TTC12: variants seen among roughly 807,000 people sequenced by gnomAD.
TTC12 encodes the protein tetratricopeptide repeat domain 12, also known as tetratricopeptide repeat protein 12.
In TTC12, 70 loss-of-function variants were observed where a neutral mutation model predicts 90.1. The ratio of observed to expected loss-of-function variants is 0.78; its 90% CI spans 0.64 to 0.95. TTC12 has a LOEUF of 0.95. Among genes scored for constraint, TTC12 ranks in the 40% least tolerant of loss-of-function variants. TTC12 has a pLI of 0.00. For missense variants in TTC12, 819 were observed against 846.1 expected (o/e 0.97, Z 0.40); for synonymous variants, 296 against 311.5 (o/e 0.95, Z 0.53).
chr11:113,360,052 T>C (rs371310739), intron 18 of TTC12, 44 bp downstream of exon 18: 9 of 1,010,600 alleles, frequency 8.9e-6, no homozygotes, highest in Non-Finnish European at 1.1e-5. Context: ...TCCATTGTTC[T>C]TGTTTTGTTT....
intron 11 of TTC12, 123 bp from the exon 12 acceptor site, chr11:113,341,714 T>G (rs1948698047): frequency 1.3e-6 from 1 of 782,772 alleles, no homozygotes; most frequent in Non-Finnish European, 2.2e-6. Context: ...TGGCTCTGGA[T>G]TATAAAACTA....
At chr11:113,353,132 G>A (rs1304501110) in intron 16 of TTC12, among the ~76,000 whole-genome samples, 1 of 152,160 alleles carries the variant, frequency 6.6e-6, no homozygotes, top group Non-Finnish European at 1.5e-5. Context: ...GCCAGCATCT[G>A]TTATTTTTTG....
In TTC12 at chr11:113,328,609, T is replaced by G. The variant is rs76765836; in HGVS notation, c.445-1311T>G. Among the ~76,000 whole-genome samples, 5 of 152,332 alleles carry G rather than the reference T, an allele frequency of 3.3e-5. No homozygotes were observed. In the East Asian group the frequency reaches 9.6e-4, roughly 29 times the overall value. ...ACAGAAGCAGAGCTTTATTATCTTTTGATAACAGCGTTATTGAGATATAAT... is the reference window on the plus strand; with the variant it reads ...ACAGAAGCAGAGCTTTATTATCTTTGGATAACAGCGTTATTGAGATATAAT... On this transcript the variant is annotated intron_variant, in intron 6 of 21. Transcript: ENST00000529221.
intron 7 of TTC12, among the ~76,000 whole-genome samples, chr11:113,333,373 A>G (rs1441915292): frequency 1.3e-5 from 2 of 151,988 alleles, no homozygotes; most frequent in Non-Finnish European, 2.9e-5. Flanking sequence ...CCTCCTTTGC[A>G]TGCCCTTTTA....
chr11:113,315,796 G>C (rs1394139880), intron 1 of TTC12, among the ~76,000 whole-genome samples: 1 of 152,160 alleles, frequency 6.6e-6, no homozygotes, highest in Non-Finnish European at 1.5e-5. Context: ...AACAAGTATG[G>C]ACATTTAGAT....
chr11:113,351,179 GTATT>G, intron 14 of TTC12, 56 bp from the exon 15 acceptor site: 1 of 1,476,878 alleles, frequency 6.8e-7, no homozygotes, highest in Non-Finnish European at 9.5e-7. Context: ...CTGAGACACT[GTATT>G]TATGTTATAG....
At chr11:113,317,807 TTTA>T (rs1947038532) in intron 2 of TTC12, among the ~76,000 whole-genome samples, 1 of 152,154 alleles carries the variant, frequency 6.6e-6, no homozygotes, top group Non-Finnish European at 1.5e-5. Context: ...CATCTTTTTT[TTTA>T]ACCTGGCTAA....
At position 113,364,870 on chromosome 11, in the gene TTC12, G is replaced by A; in HGVS notation, c.1852G>A (p.Asp618Asn). 1.2e-6 allele frequency: 2 copies of A among 1,614,230 alleles called. No homozygotes were observed. Among genetic ancestry groups the A allele is most frequent in the Non-Finnish European group, 1.7e-6 (2 of 1,180,038 alleles). ...TATGATGAAGCTGCTCAGCTCGGAG[G>A]ATGAGGTTCTGGTGGGCAACGCTGC... ...SVMMKLLSSE[D>N]EVLVGNAALC... Residue 618 changes from aspartate (D) to asparagine (N), a missense_variant, in exon 21 of 22, where the codon GAT (aspartate) becomes AAT (asparagine). Transcript: ENST00000529221.
At chr11:113,329,661 C>T (rs1456637741) in intron 6 of TTC12, 2 of 565,310 alleles carry the variant, frequency 3.5e-6, no homozygotes, top group Non-Finnish European at 3.4e-6. Flanking sequence ...TGGCTGTCCA[C>T]TGTTGCTAGC....
At chr11:113,366,089 G>A in intron 21 of TTC12, 136 bp from the exon 22 acceptor site, 1 of 897,974 alleles carries the variant, frequency 1.1e-6, no homozygotes, top group East Asian at 2.5e-5. Flanking sequence ...CAATGCCACA[G>A]CCACTTCCTG....
At chr11:113,362,526 A>G in intron 19 of TTC12, 24 bp downstream of exon 19, 1 of 1,484,236 alleles carries the variant, frequency 6.7e-7, no homozygotes, top group Non-Finnish European at 9.4e-7. Flanking sequence ...ATTGGTTACA[A>G]CCCCTGAAAT....
At chr11:113,365,147 A>G in intron 21 of TTC12, 87 bp downstream of exon 21, 2 of 1,190,884 alleles carry the variant, frequency 1.7e-6, no homozygotes, top group Non-Finnish European at 2.4e-6. Flanking sequence ...ACTGCATGCC[A>G]CACAGAACAG....
At chr11:113,359,024 A>T (rs1949773984) in intron 16 of TTC12, among the ~76,000 whole-genome samples, 1 of 149,820 alleles carries the variant, frequency 6.7e-6, no homozygotes, top group Non-Finnish European at 1.5e-5. Context: ...GAGCTGTTCC[A>T]CCTGGCTGTA....
exon 22 of TTC12, chr11:113,373,147 A>T: frequency 6.1e-6 from 6 of 977,352 alleles, no homozygotes; most frequent in Non-Finnish European, 7.3e-6. Flanking sequence ...GGTGCAAAGC[A>T]GTTAAGCAAC....
chr11:113,324,784 G>A lies in TTC12; in HGVS notation c.322+102G>A. The A allele has an allele frequency of 1.9e-6, 2 of 1,034,638 alleles. 1 individual carries two copies. Among genetic ancestry groups the A allele is most frequent in the South Asian group, 3.0e-5 (2 of 66,478 alleles). The allele number at this position is 1,034,638 out of a possible 1,614,324, so 64.1% of individuals were successfully genotyped here. On this transcript the variant is annotated intron_variant, in intron 5 of 21. Coordinates refer to ENST00000529221, the MANE Select transcript of TTC12 (RefSeq NM_017868.4). ...ATTTGAGGACATCTAGATTCCCAGT[G>A]GTGAGGTTTGTGATGGGCTTGAGGC...
chr11:113,333,830 T>A (rs1453514101), intron 7 of TTC12, among the ~76,000 whole-genome samples: 1 of 152,204 alleles, frequency 6.6e-6, no homozygotes, highest in Non-Finnish European at 1.5e-5. Context: ...TTATTATTGT[T>A]GTTATTCTTC....
At chr11:113,367,351 A>G (rs1045864596), downstream of TTC12, among the ~76,000 whole-genome samples, 1 of 152,208 alleles carries the variant, frequency 6.6e-6, no homozygotes, top group Non-Finnish European at 1.5e-5. Context: ...TTCTGGAAAC[A>G]CTAATACCTG....
intron 2 of TTC12, 83 bp from the exon 3 acceptor site, chr11:113,323,205 T>TTTTTCTTTAA: frequency 9.0e-7 from 1 of 1,110,676 alleles, no homozygotes; most frequent in Admixed American, 2.9e-5. Context: ...ATCTTTCCCA[T>TTTTTCTTTAA]GCATTTTATG....
In TTC12 at chr11:113,363,772, G is replaced by T. The variant is rs905309512; in HGVS notation, c.1717-56G>T. 9.0e-6 allele frequency: 11 copies of T among 1,218,312 alleles called. No individual in the cohort carries two copies. In the African/African-American group the frequency reaches 1.5e-4, roughly 17 times the overall value. The allele number at this position is 1,218,312 out of a possible 1,614,324, so 75.5% of individuals were successfully genotyped here. On this transcript the variant is annotated intron_variant, in intron 19 of 21. Coordinates refer to ENST00000529221, the MANE Select transcript of TTC12 (RefSeq NM_017868.4). Reference sequence around the variant, plus strand: ...ATAATAACTGCTTGCTGTGGTTTGTGGTCAAGAGCAATCATAGCACTGATT... The same window carrying T: ...ATAATAACTGCTTGCTGTGGTTTGTTGTCAAGAGCAATCATAGCACTGATT...
Sources: gnomAD v4.1 joint callset for allele counts (sites outside exome capture counted in the v4.1 genomes callset) on GRCh38, gnomAD v4.1.1 for gene constraint, MANE v1.5 for transcripts, NCBI Gene and HGNC (gene_info 2026-07-23, HGNC 2026-07-21) for gene names.